Variants in LDLRAD3 observed in about 807,000 individuals in gnomAD.
The protein encoded by LDLRAD3 is low-density lipoprotein receptor class A domain-containing protein 3.
In LDLRAD3, 20 loss-of-function variants were observed where a neutral mutation model predicts 29.4. That is an observed-to-expected ratio of 0.68 (90% CI 0.48 to 0.99). The LOEUF (loss-of-function observed/expected upper bound fraction) is 0.99. LDLRAD3 is among the 50% of genes least tolerant of loss of function. The probability of loss-of-function intolerance (pLI) is 0.00; values close to 1 mark genes in which losing one functional copy is unlikely to be tolerated. For synonymous variants in LDLRAD3, 157 were observed against 192.7 expected, an observed-to-expected ratio of 0.81 and a Z score of 1.53; for missense variants, 420 against 454.3, an observed-to-expected ratio of 0.92 and a Z score of 0.69.
intron 1 of LDLRAD3, among the ~76,000 whole-genome samples, chr11:36,030,181 C>T (rs893182947): frequency 6.6e-6 from 1 of 152,202 alleles, no homozygotes; most frequent in African/African-American, 2.4e-5. Flanking sequence ...CCCATCTTCG[C>T]CCCAAACTCA....
intron 1 of LDLRAD3, among the ~76,000 whole-genome samples, chr11:36,022,344 G>A (rs1852108645): frequency 6.6e-6 from 1 of 151,996 alleles, no homozygotes; most frequent in Admixed American, 6.6e-5. Context: ...TTTAAGAAAT[G>A]AGCCCTAGTT....
intron 1 of LDLRAD3, among the ~76,000 whole-genome samples, chr11:35,986,864 T>A (rs1254662237): frequency 1.3e-5 from 2 of 152,218 alleles, no homozygotes; most frequent in African/African-American, 4.8e-5. Flanking sequence ...TCATTGAATC[T>A]GAGTAAAAGC....
intron 2 of LDLRAD3, among the ~76,000 whole-genome samples, chr11:36,037,932 T>C (rs756679704): frequency 5.3e-5 from 8 of 152,240 alleles, no homozygotes; most frequent in African/African-American, 9.6e-5. Flanking sequence ...TTTATTGTTT[T>C]CCAGCCCAGG....
chr11:36,126,507 A>T (rs12574249), intron 4 of LDLRAD3, among the ~76,000 whole-genome samples: 10,147 of 152,150 alleles, frequency 0.067, 629 homozygotes, highest in East Asian at 0.34. Context: ...GAGGTTGAGG[A>T]TTGGCCTTCG....
intron 1 of LDLRAD3, among the ~76,000 whole-genome samples, chr11:35,987,307 T>C (rs1175598283): frequency 6.6e-6 from 1 of 152,210 alleles, no homozygotes; most frequent in African/African-American, 2.4e-5. Flanking sequence ...GTTTGTAACA[T>C]GAGGGTATTG....
chr11:36,127,198 G>A (rs1853851082), intron 4 of LDLRAD3, among the ~76,000 whole-genome samples: 2 of 152,124 alleles, frequency 1.3e-5, no homozygotes, highest in African/African-American at 4.8e-5. Flanking sequence ...CAGGTTTAAG[G>A]AATGTCTTTA....
At chr11:36,095,249 C>G (rs1590262687) in intron 3 of LDLRAD3, among the ~76,000 whole-genome samples, 2 of 152,310 alleles carry the variant, frequency 1.3e-5, no homozygotes. Flanking sequence ...CTGGGCCATG[C>G]CATGTGCACC....
intron 4 of LDLRAD3, among the ~76,000 whole-genome samples, chr11:36,190,651 A>G (rs992041673): frequency 6.6e-6 from 1 of 152,022 alleles, no homozygotes; most frequent in Admixed American, 6.6e-5. Context: ...GAGAAGAGAG[A>G]AAAAAAATGA....
chr11:36,046,469 C>T (rs748811773), intron 2 of LDLRAD3, among the ~76,000 whole-genome samples: 3 of 152,156 alleles, frequency 2.0e-5, no homozygotes, highest in African/African-American at 4.8e-5. Flanking sequence ...TCCGTCTCTG[C>T]CTCCATCATC....
At chr11:36,051,048 T>C (rs60361921) in intron 2 of LDLRAD3, among the ~76,000 whole-genome samples, 7,584 of 152,136 alleles carry the variant, frequency 0.05, 492 homozygotes, top group African/African-American at 0.15. Flanking sequence ...CCTATTACCA[T>C]CAGATTGGAG....
chr11:36,098,810 G>C (rs1853403479), intron 4 of LDLRAD3, among the ~76,000 whole-genome samples: 1 of 152,154 alleles, frequency 6.6e-6, no homozygotes, highest in African/African-American at 2.4e-5. Flanking sequence ...TCTTTCCCTT[G>C]AATTACTTCT....
intron 2 of LDLRAD3, among the ~76,000 whole-genome samples, chr11:36,039,373 G>C (rs1039463858): frequency 2.6e-5 from 4 of 152,160 alleles, no homozygotes; most frequent in Admixed American, 2.6e-4. Context: ...TTAGGGGGCT[G>C]TGTGATCGTG....
At chr11:36,205,922 G>A (rs1855200755) in intron 4 of LDLRAD3, among the ~76,000 whole-genome samples, 1 of 152,124 alleles carries the variant, frequency 6.6e-6, no homozygotes, top group South Asian at 2.1e-4. Context: ...CTGCTCCCTG[G>A]GTCTCCAGTA....
At chr11:36,004,842 T>C (rs1208793282) in intron 1 of LDLRAD3, among the ~76,000 whole-genome samples, 2 of 152,240 alleles carry the variant, frequency 1.3e-5, no homozygotes, top group African/African-American at 4.8e-5. Context: ...ATGTGAAAGT[T>C]GGCAAGGCTT....
At chr11:36,151,058 A>G (rs1484706222) in intron 4 of LDLRAD3, among the ~76,000 whole-genome samples, 2 of 152,152 alleles carry the variant, frequency 1.3e-5, no homozygotes, top group Non-Finnish European at 1.5e-5. Flanking sequence ...GCACCTCTGA[A>G]CAATCCTTGG....
At chr11:36,063,865 T>G (rs559472624) in intron 2 of LDLRAD3, among the ~76,000 whole-genome samples, 1 of 152,224 alleles carries the variant, frequency 6.6e-6, no homozygotes, top group Non-Finnish European at 1.5e-5. Context: ...AATTTTGTTC[T>G]TCTTTTTCAA....
intron 1 of LDLRAD3, among the ~76,000 whole-genome samples, chr11:35,961,637 A>C (rs1034668329): frequency 1.3e-5 from 2 of 152,216 alleles, no homozygotes; most frequent in Non-Finnish European, 2.9e-5. Flanking sequence ...CTTGTTGAAT[A>C]AATGAATGAG....
chr11:35,985,826 C>G (rs1851607939), intron 1 of LDLRAD3, among the ~76,000 whole-genome samples: 1 of 151,462 alleles, frequency 6.6e-6, no homozygotes, highest in Admixed American at 6.6e-5. Context: ...CCATGTGGAA[C>G]TGTGAGTCCA....
chr11:36,188,056 G>A (rs778658235), intron 4 of LDLRAD3, among the ~76,000 whole-genome samples: 1 of 152,056 alleles, frequency 6.6e-6, no homozygotes, highest in African/African-American at 2.4e-5. Context: ...ACGATGAGTA[G>A]GAATCAGAGC....
Sources: allele counts gnomAD v4.1 joint callset (sites outside exome capture counted in the v4.1 genomes callset), GRCh38; gene constraint gnomAD v4.1.1; transcripts MANE v1.5; gene names NCBI Gene and HGNC (gene_info 2026-07-23, HGNC 2026-07-21).